Variants in VWA1 observed in about 807,000 individuals in gnomAD.
VWA1 encodes the protein von Willebrand factor A domain-containing protein 1.
Under a neutral mutation model 14.9 loss-of-function variants are expected in VWA1, and 12 were observed. That is an observed-to-expected ratio of 0.80 (90% CI 0.52 to 1.30). The LOEUF is 1.30. VWA1 is among the 50% of genes most tolerant of loss of function. The pLI is 0.00. For synonymous variants in VWA1, 368 were observed against 310.7 expected (o/e 1.18, Z -1.94); for missense variants, 800 against 649.1 (o/e 1.23, Z -2.53).
chr1:1,441,865 C>T lies in VWA1; in HGVS notation c.*2078C>T, dbSNP rs975920158. 3 of 152,138 alleles carry T rather than the reference C, an allele frequency of 2.0e-5. No individual in the cohort carries two copies. The highest frequency in any genetic ancestry group is 6.5e-5 in the Admixed American group (1 of 15,284). The allele number at this position is 152,138 out of a possible 1,614,324, so 9.4% of individuals were successfully genotyped here. ...GGGAGGAGCTCCAGCTCTGCAATCC[C>T]GAGAGGGCAGAGCGGGGGCCCTGGC... On this transcript the variant is annotated 3_prime_UTR_variant, in exon 3 of 3. Transcript: ENST00000476993.
rs372096143 is a variant in VWA1, at chr1:1,437,435, C to T, written c.582C>T (p.Asp194=). Reference sequence around the variant, plus strand: ...CCGAGAAGCACCTGCACTTTGTGGACGTGGATGACCTGCACATCATTGTCC... The same window carrying T: ...CCGAGAAGCACCTGCACTTTGTGGATGTGGATGACCTGCACATCATTGTCC... ...APAEKHLHFV[D]VDDLHIIVQE... is the part of the protein sequence containing the mutation. The change falls in exon 2 of 3, where the codon GAC becomes GAT. Residue 194 remains aspartate, a synonymous_variant. Transcript: ENST00000476993. 1.8e-5 allele frequency: 29 copies of T among 1,612,428 alleles called. No homozygotes were observed. In the Middle Eastern group the frequency reaches 1.2e-3, roughly 64 times the overall value.
Position 1,439,530 on chromosome 1 carries a change from G to A in VWA1, c.1081G>A (p.Ala361Thr). The change falls in exon 3 of 3, where the codon GCG (alanine) becomes ACG (threonine). Residue 361 changes from alanine (A) to threonine (T), a missense_variant. Transcript: ENST00000476993. ...SWAPALGSAA[A>T]LGYHVQFGPL... The stretch of plus-strand genomic sequence containing the variant: ...GGCCCCAGCGCTGGGCTCAGCCGCG[G>A]CGCTCGGCTACCACGTGCAGTTCGG... 7.3e-7 allele frequency: 1 copy of A among 1,362,742 alleles called. No individual in the cohort carries two copies. The highest frequency in any genetic ancestry group is 9.4e-7 in the Non-Finnish European group (1 of 1,061,292). The allele number at this position is 1,362,742 out of a possible 1,614,324, so 84.4% of individuals were successfully genotyped here.
In VWA1 at chr1:1,441,986, G is replaced by A. The variant is rs139926614; in HGVS notation, c.*2199G>A. 15 of 152,424 alleles carry A rather than the reference G, an allele frequency of 9.8e-5. No individual in the cohort carries two copies. In the East Asian group the frequency reaches 1.7e-3, roughly 18 times the overall value. 9.4% of individuals were successfully genotyped at this position (152,424 alleles called of 1,614,324 possible). A position where few individuals can be genotyped will look rare whatever the true frequency, so the allele number is the denominator to read the frequency against. On this transcript the variant is annotated 3_prime_UTR_variant, in exon 3 of 3. Coordinates refer to ENST00000476993, the MANE Select transcript of VWA1 (RefSeq NM_022834.5). ...GGCTGAGCACAGCACAAGGCCTCAC[G>A]GAGAGGGTGAAAAGGCACTGCCGTC...
rs781470522 is a variant in VWA1, at chr1:1,439,085, G to A, written c.636G>A (p.Ala212=). The part of the protein sequence containing the change: ...VQELRGSILD[A]MRPQQLHATE... ...GACCCCCTGCACCACCCACAGACGC[G>A]ATGCGGCCGCAGCAGCTCCATGCCA... Residue 212 remains alanine (A), a synonymous_variant, in exon 3 of 3, where the codon GCG becomes GCA. Transcript: ENST00000476993. 28 of 1,598,042 alleles carry A rather than the reference G, an allele frequency of 1.8e-5. No homozygotes were observed. Among genetic ancestry groups the A allele is most frequent in the Middle Eastern group, 1.7e-4 (1 of 6,034 alleles).
chr1:1,440,491 C>A lies in VWA1; in HGVS notation c.*704C>A, dbSNP rs760444815. 1 of 166,750 alleles carries A rather than the reference C, an allele frequency of 6.0e-6. No individual in the cohort carries two copies. The highest frequency in any genetic ancestry group is 2.4e-5 in the African/African-American group (1 of 41,418). The allele number at this position is 166,750 out of a possible 1,614,324, so 10.3% of individuals were successfully genotyped here. A position where few individuals can be genotyped will look rare whatever the true frequency, so the allele number is the denominator to read the frequency against. Reference sequence around the variant, plus strand: ...GGGACCGCACTGACAGGAAACCTTCCGTCGTGAGGGAGCACTTCCCAGGGG... The same window carrying A: ...GGGACCGCACTGACAGGAAACCTTCAGTCGTGAGGGAGCACTTCCCAGGGG... On this transcript the variant is annotated 3_prime_UTR_variant, in exon 3 of 3. Coordinates refer to ENST00000476993, the MANE Select transcript of VWA1 (RefSeq NM_022834.5).
In VWA1 at chr1:1,437,172, C is replaced by T. The variant is rs754956231; in HGVS notation, c.319C>T (p.Arg107Cys). 55 of 1,611,060 alleles carry T rather than the reference C, an allele frequency of 3.4e-5. No individual in the cohort carries two copies. Among genetic ancestry groups the T allele is most frequent in the Non-Finnish European group, 4.1e-5 (48 of 1,179,242 alleles). Residue 107 changes from arginine (R) to cysteine (C), a missense_variant, in exon 2 of 3, where the codon CGC becomes TGC. Coordinates refer to ENST00000476993, the MANE Select transcript of VWA1 (RefSeq NM_022834.5). ...GGATGCGGTGCGTGCTTCTGCCCAG[C>T]GCATGGGTGACACCCACACTGGCCT... ...AQDAVRASAQ[R>C]MGDTHTGLAL...
rs779485734 is a variant in VWA1, at chr1:1,437,420, C to T, written c.567C>T (p.His189=). ...SAAASAPAEK[H]LHFVDVDDLH... ...CTGCCTCAGCCCCTGCCGAGAAGCA[C>T]CTGCACTTTGTGGACGTGGATGACC... Residue 189 remains histidine (H), a synonymous_variant, in exon 2 of 3, where the codon CAC becomes CAT. Coordinates refer to ENST00000476993, the MANE Select transcript of VWA1 (RefSeq NM_022834.5). 6.2e-6 allele frequency: 10 copies of T among 1,612,672 alleles called. No individual in the cohort carries two copies. The Admixed American group carries it at 1.2e-4, about 19-fold the overall frequency.
chr1:1,435,735 G>A lies in VWA1; in HGVS notation c.-14G>A. ...GCGAGCGAGTTGCCGAGCGCGCCCC[G>A]TCCCTCGCGCGCGATGCTCCCCTGG... On this transcript the variant is annotated 5_prime_UTR_variant, in exon 1 of 3. Coordinates refer to ENST00000476993, the MANE Select transcript of VWA1 (RefSeq NM_022834.5). The A allele has an allele frequency of 8.3e-7, 1 of 1,204,264 alleles. No individual in the cohort carries two copies. Among genetic ancestry groups the A allele is most frequent in the South Asian group, 2.2e-5 (1 of 45,304 alleles). The allele number at this position is 1,204,264 out of a possible 1,614,324, so 74.6% of individuals were successfully genotyped here.
chr1:1,438,406 C>T (rs1242344681), intron 2 of VWA1, among the ~76,000 whole-genome samples: 1 of 152,136 alleles, frequency 6.6e-6, no homozygotes, highest in Non-Finnish European at 1.5e-5. Context: ...GGGAAAGAGG[C>T]CGGGTCTGAG....
chr1:1,437,568 A>G (rs1638574611), intron 2 of VWA1, 84 bp downstream of exon 2: 1 of 1,500,130 alleles, frequency 6.7e-7, no homozygotes, highest in East Asian at 2.3e-5. Flanking sequence ...GGAAGATCTC[A>G]TGTCCCCAGA....
intron 2 of VWA1, among the ~76,000 whole-genome samples, chr1:1,438,836 G>A (rs1041166714): frequency 2.6e-5 from 4 of 152,242 alleles, no homozygotes; most frequent in Non-Finnish European, 5.9e-5. Flanking sequence ...GGGGCTAAGG[G>A]AGGCAGGGGC....
chr1:1,440,004 C>A lies in VWA1; in HGVS notation c.*217C>A. ...GGCCTCGCCTGGCGGGACCCCGCAGCAGCCCCGGCCCCATCCCCGCCCAGA... is the reference window on the plus strand; with the variant it reads ...GGCCTCGCCTGGCGGGACCCCGCAGAAGCCCCGGCCCCATCCCCGCCCAGA... On this transcript the variant is annotated 3_prime_UTR_variant, in exon 3 of 3. Transcript: ENST00000476993. 1 of 385,272 alleles carries A rather than the reference C, an allele frequency of 2.6e-6. No homozygotes were observed. The highest frequency in any genetic ancestry group is 3.8e-6 in the Non-Finnish European group (1 of 264,756). 23.9% of individuals were successfully genotyped at this position (385,272 alleles called of 1,614,324 possible).
chr1:1,436,594 C>A (rs1009060454), intron 1 of VWA1, among the ~76,000 whole-genome samples: 1 of 152,224 alleles, frequency 6.6e-6, no homozygotes, highest in Admixed American at 6.5e-5. Context: ...ACGGCTCAGG[C>A]CTGTCCTGGG....
Position 1,439,544 on chromosome 1 carries a change from C to A in VWA1, c.1095C>A (p.His365Gln), listed in dbSNP as rs1638614930. Residue 365 changes from histidine to glutamine, a missense_variant, in exon 3 of 3, where the codon CAC (histidine) becomes CAA (glutamine). By Grantham distance (24) the His-to-Gln change is conservative. Transcript: ENST00000476993. The part of the protein sequence containing the change: ...ALGSAAALGY[H>Q]VQFGPLRGGE... The stretch of plus-strand genomic sequence containing the variant: ...GCTCAGCCGCGGCGCTCGGCTACCA[C>A]GTGCAGTTCGGGCCGCTGCGGGGCG... 4 of 1,342,202 alleles carry A rather than the reference C, an allele frequency of 3.0e-6. No homozygotes were observed. The highest frequency in any genetic ancestry group is 1.6e-5 in the South Asian group (1 of 61,946). 83.1% of individuals were successfully genotyped at this position (1,342,202 alleles called of 1,614,324 possible).
chr1:1,439,452 C>A lies in VWA1; in HGVS notation c.1003C>A (p.Pro335Thr). The change falls in exon 3 of 3, where the codon CCA (proline) becomes ACA (threonine). Residue 335 changes from proline (P) to threonine (T), a missense_variant. Pro to Thr is a conservative substitution (Grantham distance 38). Coordinates refer to ENST00000476993, the MANE Select transcript of VWA1 (RefSeq NM_022834.5). ...AALPAPEEAG[P>T]ERIVISHARP... is the part of the protein sequence containing the mutation. ...CCTCCCCGCCCCAGAGGAGGCCGGGCCAGAGCGCATCGTCATCTCCCACGC... is the reference window on the plus strand; with the variant it reads ...CCTCCCCGCCCCAGAGGAGGCCGGGACAGAGCGCATCGTCATCTCCCACGC... 2 of 1,428,094 alleles carry A rather than the reference C, an allele frequency of 1.4e-6. No individual in the cohort carries two copies. The highest frequency in any genetic ancestry group is 1.4e-5 in the South Asian group (1 of 70,260). The allele number at this position is 1,428,094 out of a possible 1,614,324, so 88.5% of individuals were successfully genotyped here.
In VWA1 at chr1:1,439,075, C is replaced by G; in HGVS notation, c.632-6C>G. ...GCTGTTCCCTGACCCCCTGCACCAC[C>G]CACAGACGCGATGCGGCCGCAGCAG... is the stretch of plus-strand genomic sequence containing the variant. On this transcript the variant is annotated splice_region_variant and splice_polypyrimidine_tract_variant and intron_variant, in intron 2 of 2. Coordinates refer to ENST00000476993, the MANE Select transcript of VWA1 (RefSeq NM_022834.5). The G allele has an allele frequency of 6.3e-7, 1 of 1,597,020 alleles. No homozygotes were observed.
chr1:1,436,563 A>G (rs1393088649), intron 1 of VWA1, among the ~76,000 whole-genome samples: 2 of 152,182 alleles, frequency 1.3e-5, no homozygotes, highest in Non-Finnish European at 2.9e-5. Flanking sequence ...TCTGAAAGCC[A>G]TGCCTGGAGG....
At position 1,439,867 on chromosome 1, in the gene VWA1, A is replaced by G; in HGVS notation, c.*80A>G. The G allele has an allele frequency of 9.7e-7, 1 of 1,034,752 alleles. No homozygotes were observed. The highest frequency in any genetic ancestry group is 1.2e-6 in the Non-Finnish European group (1 of 861,678). 64.1% of individuals were successfully genotyped at this position (1,034,752 alleles called of 1,614,324 possible). A position where few individuals can be genotyped will look rare whatever the true frequency, so the allele number is the denominator to read the frequency against. Reference sequence around the variant, plus strand: ...CCCGAACCCGGAGCGGAGGCGCCCAACCCGGCAGACGGGTGCAGGCCCGGC... The same window carrying G: ...CCCGAACCCGGAGCGGAGGCGCCCAGCCCGGCAGACGGGTGCAGGCCCGGC... On this transcript the variant is annotated 3_prime_UTR_variant, in exon 3 of 3. Transcript: ENST00000476993.
rs1273659611 is a variant in VWA1 at position 1,439,256 on chromosome 1, C to T, written c.807C>T (p.Ile269=). The T allele has an allele frequency of 6.2e-7, 1 of 1,606,878 alleles. No homozygotes were observed. Among genetic ancestry groups the T allele is most frequent in the Admixed American group, 1.7e-5 (1 of 59,794 alleles). The change falls in exon 3 of 3, where the codon ATC becomes ATT. Residue 269 remains isoleucine (I), a synonymous_variant. Coordinates refer to ENST00000476993, the MANE Select transcript of VWA1 (RefSeq NM_022834.5). ...QQLPGNATDW[I]WAGLDPDTDY... ...TGCCAGGGAACGCCACGGACTGGAT[C>T]TGGGCCGGCCTCGACCCGGACACGG...
Sources: allele counts gnomAD v4.1 joint callset (sites outside exome capture counted in the v4.1 genomes callset), GRCh38; gene constraint gnomAD v4.1.1; transcripts MANE v1.5; gene names NCBI Gene and HGNC (gene_info 2026-07-23, HGNC 2026-07-21).